The following PAM16 variants were observed in gnomAD, a reference collection of about 807,000 sequenced individuals.
The protein encoded by PAM16 is presequence translocase associated motor 16, also known as mitochondrial import inner membrane translocase subunit TIM16.
PAM16 carries 11 observed loss-of-function variants against 17.9 expected under a neutral mutation model. The observed-to-expected ratio is 0.62, with a 90% CI of 0.39 to 1.02. The LOEUF (loss-of-function observed/expected upper bound fraction) is 1.02. PAM16 is among the 50% of genes least tolerant of loss of function. PAM16 has a pLI of 0.01. For missense variants in PAM16, 199 were observed against 165.4 expected (o/e 1.20, Z -1.11); for synonymous variants, 72 against 67.4 (o/e 1.07, Z -0.34).
Position 4,340,410 on chromosome 16 carries a change from T to C in PAM16, c.292-5A>G. The C allele has an allele frequency of 3.1e-6, 5 of 1,610,716 alleles. No individual in the cohort carries two copies. The highest frequency in any genetic ancestry group is 1.1e-5 in the South Asian group (1 of 91,080). ...GCGCTCCTTTGCGCGGACCACCTAG[T>C]GGGTCACGGATAATCAGGCCGGGAG... On this transcript the variant is annotated splice_polypyrimidine_tract_variant and splice_region_variant and intron_variant, in intron 4 of 4. Transcript: ENST00000318059.
intron 1 of PAM16, chr16:4,343,770 C>T (rs759879151): frequency 2.4e-5 from 10 of 408,384 alleles, no homozygotes; most frequent in East Asian, 7.1e-5. Flanking sequence ...CTCCCAAGTC[C>T]GAAGACTTTA....
Position 4,343,592 on chromosome 16 carries a change from C to T in PAM16, c.4-301G>A, listed in dbSNP as rs941439941. On this transcript the variant is annotated intron_variant, in intron 1 of 4. Coordinates refer to ENST00000318059, the MANE Select transcript of PAM16 (RefSeq NM_016069.11). Reference sequence around the variant, plus strand: ...AGCAAGGCAAAGTGGCTGCAACCACCGGCTTCAGGAAGAAACACTGTGGTC... The same window carrying T: ...AGCAAGGCAAAGTGGCTGCAACCACTGGCTTCAGGAAGAAACACTGTGGTC... The T allele has an allele frequency of 7.0e-5, 96 of 1,376,182 alleles. 2 individuals are homozygous for T. In the African/African-American group the frequency reaches 1.2e-3, roughly 17 times the overall value. The allele number at this position is 1,376,182 out of a possible 1,614,324, so 85.2% of individuals were successfully genotyped here.
At chr16:4,347,547 G>C (rs772773577) in intron 1 of PAM16, 1 of 152,318 alleles carries the variant, frequency 6.6e-6, no homozygotes, top group Non-Finnish European at 1.5e-5. Flanking sequence ...GACAAACAGC[G>C]GCAGGTCCAG....
intron 2 of PAM16, among the ~76,000 whole-genome samples, chr16:4,342,041 T>C (rs188819248): frequency 1.3e-5 from 2 of 152,328 alleles, no homozygotes; most frequent in East Asian, 3.9e-4. Flanking sequence ...ACTGGAACCA[T>C]TCAACTCTGC....
chr16:4,342,493 A>G (rs533986755), intron 2 of PAM16, among the ~76,000 whole-genome samples: 1 of 151,588 alleles, frequency 6.6e-6, no homozygotes, highest in South Asian at 2.1e-4. Flanking sequence ...CGTCTCTACT[A>G]AAAATACAAA....
At position 4,344,324 on chromosome 16, in the gene PAM16, G is replaced by GACT. The variant is rs1445218518; in HGVS notation, c.4-1034_4-1033insAGT. The stretch of plus-strand genomic sequence containing the variant: ...AGGAGGGGGTTCTGTGAGAGGAGGG[G>GACT]GTTCCGTGAGAGGAGGGGGTTCTGT... On this transcript the variant is annotated intron_variant, in intron 1 of 4. Transcript: ENST00000318059. Among the ~76,000 whole-genome samples, 17 of 22,034 alleles carry GACT rather than the reference G, an allele frequency of 7.7e-4. 2 individuals are homozygous for GACT. The highest frequency in any genetic ancestry group is 2.3e-3 in the South Asian group (1 of 438). 14.5% of individuals were successfully genotyped at this position (22,034 alleles called of 152,430 possible).
Position 4,343,115 on chromosome 16 carries a change from A to G in PAM16, c.88+92T>C. On this transcript the variant is annotated intron_variant, in intron 2 of 4. Transcript: ENST00000318059. The stretch of plus-strand genomic sequence containing the variant: ...AAGTGCCTCAGGCCACGCACACTTC[A>G]GAACCGCCAGGCCTGAGGTGCCCAT... The G allele has an allele frequency of 1.9e-6, 3 of 1,563,952 alleles. No homozygotes were observed. The South Asian group carries it at 3.4e-5, about 18-fold the overall frequency.
chr16:4,350,434 C>G (rs956195763), intron 1 of PAM16, among the ~76,000 whole-genome samples: 3 of 151,596 alleles, frequency 2.0e-5, no homozygotes, highest in African/African-American at 7.3e-5. Context: ...CGCAGTCTCA[C>G]CCTGTCGCCC....
chr16:4,345,237 T>G (rs1002318913), intron 1 of PAM16: 3 of 152,146 alleles, frequency 2.0e-5, no homozygotes, highest in African/African-American at 7.2e-5. Context: ...TAGATTTGCC[T>G]TCAGTCAACA....
chr16:4,341,784 C>A, intron 2 of PAM16: 1 of 475,776 alleles, frequency 2.1e-6, no homozygotes, highest in Non-Finnish European at 3.8e-6. Flanking sequence ...TCCCCCAACC[C>A]CCATATCCCA....
chr16:4,341,415 G>A lies in PAM16; in HGVS notation c.178C>T (p.Gln60Ter), dbSNP rs1363687144. 2 of 1,601,902 alleles carry A rather than the reference G, an allele frequency of 1.2e-6. No homozygotes were observed. The highest frequency in any genetic ancestry group is 1.7e-6 in the Non-Finnish European group (2 of 1,174,998). Residue 60 changes from glutamine to a stop codon, truncating the protein, a stop_gained, in exon 3 of 5, where the codon CAG becomes TAG. Transcript: ENST00000318059. LOFTEE classifies it high-confidence loss of function. ...AGCTTGGACACGTTGAGAATCTGCTGTGCCTCCTGGAGGCTGAGGCCGGAG... is the reference window on the plus strand; with the variant it reads ...AGCTTGGACACGTTGAGAATCTGCTATGCCTCCTGGAGGCTGAGGCCGGAG... ...NLSGLSLQEA[Q>*]QILNVSKLSP...
chr16:4,343,411 C>T, intron 1 of PAM16, 120 bp from the exon 2 acceptor site: 2 of 1,473,010 alleles, frequency 1.4e-6, no homozygotes, highest in Non-Finnish European at 1.8e-6. Context: ...AAGCACAGAG[C>T]TGCAGCCCCA....
intron 1 of PAM16, chr16:4,344,044 C>T: frequency 2.5e-6 from 1 of 397,902 alleles, no homozygotes; most frequent in Admixed American, 4.4e-5. Context: ...GGCAGGGAAC[C>T]CCACTGTCAC....
At chr16:4,348,872 G>A (rs527454614) in intron 1 of PAM16, among the ~76,000 whole-genome samples, 1 of 151,382 alleles carries the variant, frequency 6.6e-6, no homozygotes, top group Admixed American at 6.6e-5. Flanking sequence ...GCCCAGGCTG[G>A]TCTCGAACCC....
Position 4,344,387 on chromosome 16 carries a change from T to C in PAM16, c.4-1096A>G, listed in dbSNP as rs1235895838. Among the ~76,000 whole-genome samples the C allele has an allele frequency of 4.8e-3, 5 of 1,032 alleles. 2 individuals are homozygous for C. The highest frequency in any genetic ancestry group is 0.022 in the Admixed American group (2 of 92). 0.7% of individuals were successfully genotyped at this position (1,032 alleles called of 152,430 possible). ...GGTTCTGTGTGAGAGGAGGGGGTTC[T>C]GTGTGAGAGGAGGGGGTTCTGTGAG... On this transcript the variant is annotated intron_variant, in intron 1 of 4. Transcript: ENST00000318059.
At chr16:4,348,809 C>A (rs1367996671) in intron 1 of PAM16, among the ~76,000 whole-genome samples, 4 of 151,756 alleles carry the variant, frequency 2.6e-5, no homozygotes, top group Non-Finnish European at 5.9e-5. Flanking sequence ...GCACACGCTG[C>A]CATGCCCGGC....
At chr16:4,343,877 GACCA>G (rs1351825176) in intron 1 of PAM16, 12 of 398,362 alleles carry the variant, frequency 3.0e-5, no homozygotes, top group Admixed American at 4.4e-5. Flanking sequence ...ACACACTATG[GACCA>G]AATCATGAGG....
rs759181406 is a variant in PAM16, at chr16:4,343,227, G to A, written c.68C>T (p.Ala23Val). 3 of 1,612,776 alleles carry A rather than the reference G, an allele frequency of 1.9e-6. No individual in the cohort carries two copies. Among genetic ancestry groups the A allele is most frequent in the Admixed American group, 1.7e-5 (1 of 60,030 alleles). Residue 23 changes from alanine (A) to valine (V), a missense_variant, in exon 2 of 5, where the codon GCC (alanine) becomes GTC (valine). Coordinates refer to ENST00000318059, the MANE Select transcript of PAM16 (RefSeq NM_016069.11). ...CTTACCTGCAAACTCCTGCCGCAAG[G>A]CCCGTGCAAAGGCCCTGCCCACCAC... ...VQVVGRAFAR[A>V]LRQEFAASRA...
intron 1 of PAM16, 155 bp downstream of exon 1, chr16:4,351,077 G>C (rs1466026160): frequency 8.1e-6 from 3 of 371,972 alleles, no homozygotes; most frequent in Non-Finnish European, 1.4e-5. Context: ...TGCCGGCCTC[G>C]ATTCCCCCGG....
Sources: gnomAD v4.1 joint callset for allele counts (sites outside exome capture counted in the v4.1 genomes callset) on GRCh38, gnomAD v4.1.1 for gene constraint, MANE v1.5 for transcripts, NCBI Gene and HGNC (gene_info 2026-07-23, HGNC 2026-07-21) for gene names.